Variants in RECQL5 observed in about 807,000 individuals in gnomAD.
RECQL5 encodes ATP-dependent DNA helicase Q5.
In RECQL5, 88 loss-of-function variants were observed where a neutral mutation model predicts 103.4. The observed-to-expected ratio is 0.85, with a 90% CI of 0.72 to 1.02. The LOEUF is 1.02. Ranked by LOEUF, RECQL5 falls within the 50% of genes least tolerant of loss-of-function variation. The pLI is 0.00. For missense variants in RECQL5, 1,232 were observed against 1,284.3 expected (o/e 0.96, Z 0.62); for synonymous variants, 552 against 507.9 (o/e 1.09, Z -1.17).
In RECQL5 at chr17:75,640,784, C is replaced by T; in HGVS notation, c.1230-9116G>A. On this transcript the variant is annotated intron_variant, in intron 8 of 19. Transcript: ENST00000317905. The surrounding 1 kb of genome is among the most constrained non-coding windows in gnomAD (Gnocchi z 4.6). ...CCTGAGTCCCGTGCTCTCTCCCGGC[C>T]CTCCAGCTACTGTTCTGCTGTTGCT... 1.3e-6 allele frequency: 2 copies of T among 1,549,662 alleles called. No individual in the cohort carries two copies. Among genetic ancestry groups the T allele is most frequent in the Non-Finnish European group, 1.7e-6 (2 of 1,146,356 alleles).
intron 4 of RECQL5, 60 bp from the exon 5 acceptor site, chr17:75,661,768 G>A (rs2148341465): frequency 2.4e-6 from 3 of 1,242,698 alleles, no homozygotes; most frequent in South Asian, 1.2e-5. Context: ...TAGGCCCAGT[G>A]TAATGCACCC....
At chr17:75,657,846 G>A (rs983798742) in intron 7 of RECQL5, among the ~76,000 whole-genome samples, 6 of 150,996 alleles carry the variant, frequency 4.0e-5, no homozygotes, top group Non-Finnish European at 5.9e-5. Flanking sequence ...TCATGAGATC[G>A]AGACCATCCT....
At chr17:75,659,085 T>C (rs1005485294) in intron 6 of RECQL5, among the ~76,000 whole-genome samples, 1 of 152,092 alleles carries the variant, frequency 6.6e-6, no homozygotes, top group East Asian at 1.9e-4. Context: ...TATTTTTAGA[T>C]GGAGTCTTGC....
intron 8 of RECQL5, among the ~76,000 whole-genome samples, chr17:75,633,009 G>A (rs1598993378): frequency 1.3e-5 from 2 of 152,384 alleles, no homozygotes; most frequent in Middle Eastern, 6.8e-3. Flanking sequence ...CCCCGGTAAG[G>A]AAGCAGGGCC....
intron 6 of RECQL5, among the ~76,000 whole-genome samples, chr17:75,660,618 C>A (rs543994886): frequency 6.6e-6 from 1 of 152,338 alleles, no homozygotes; most frequent in East Asian, 1.9e-4. Context: ...ACCGAAACAT[C>A]AACATGAGGT....
chr17:75,655,979 G>T (rs547495683), intron 7 of RECQL5, among the ~76,000 whole-genome samples: 1 of 152,194 alleles, frequency 6.6e-6, no homozygotes, highest in South Asian at 2.1e-4. Flanking sequence ...ACTGCTCCTG[G>T]CCCCAGAGCT....
chr17:75,632,623 G>C (rs1323464554), intron 8 of RECQL5, among the ~76,000 whole-genome samples: 1 of 152,214 alleles, frequency 6.6e-6, no homozygotes, highest in Non-Finnish European at 1.5e-5. Flanking sequence ...AGCGGCCTCT[G>C]CCCATGCTGG....
chr17:75,657,816 G>A (rs35751493), intron 7 of RECQL5, among the ~76,000 whole-genome samples: 52,806 of 150,868 alleles, frequency 0.35, 9,546 homozygotes, highest in East Asian at 0.57. Flanking sequence ...TTGGGAGGCC[G>A]AGGCAGGCGG....
At position 75,628,682 on chromosome 17, in the gene RECQL5, C is replaced by T. The variant is rs1259030349; in HGVS notation, c.2570G>A (p.Arg857Gln). 1.0e-5 allele frequency: 16 copies of T among 1,587,012 alleles called. No individual in the cohort carries two copies. The highest frequency in any genetic ancestry group is 3.9e-5 in the Admixed American group (2 of 50,994). The change falls in exon 17 of 20, where the codon CGA becomes CAA. Residue 857 changes from arginine to glutamine, a missense_variant. Arg to Gln is a conservative substitution (Grantham distance 43). Coordinates refer to ENST00000317905, the MANE Select transcript of RECQL5 (RefSeq NM_004259.7). ...CATCCCTGCCGGCACCTGCTGGGAT[C>T]GAGGCCGCTTGCCCTTCCATGTGTC... ...AKDTWKGKRP[R>Q]SQQENPESQP...
chr17:75,650,353 C>G, intron 8 of RECQL5: 2 of 1,129,704 alleles, frequency 1.8e-6, no homozygotes, highest in South Asian at 6.5e-5. Context: ...AAACACACAG[C>G]CCAAAGAGTT....
intron 8 of RECQL5, among the ~76,000 whole-genome samples, chr17:75,634,611 A>G (rs889042793): frequency 6.6e-6 from 1 of 152,156 alleles, no homozygotes; most frequent in African/African-American, 2.4e-5. Context: ...TGTCGAGGTC[A>G]GCGCAGGGTC....
Position 75,667,120 on chromosome 17 carries a change from AC to A in RECQL5, c.-92del, listed in dbSNP as rs1235747185. The A allele has an allele frequency of 9.7e-6, 5 of 516,126 alleles. No individual in the cohort carries two copies. The highest frequency in any genetic ancestry group is 6.3e-5 in the South Asian group (3 of 47,510). 32.0% of individuals were successfully genotyped at this position (516,126 alleles called of 1,614,324 possible). On this transcript the variant is annotated 5_prime_UTR_variant, in exon 1 of 20. Coordinates refer to ENST00000317905, the MANE Select transcript of RECQL5 (RefSeq NM_004259.7). ...AACTGTTCGAAGACCCCTATACACAACCCCAACTCAGAGAAGCCAAAGCGCT... is the reference window on the plus strand; with the variant it reads ...AACTGTTCGAAGACCCCTATACACAACCCAACTCAGAGAAGCCAAAGCGCT...
At chr17:75,634,220 C>G (rs1320744534) in intron 8 of RECQL5, 21 of 985,564 alleles carry the variant, frequency 2.1e-5, no homozygotes, top group Non-Finnish European at 2.4e-5. Flanking sequence ...GCAATGGCCA[C>G]AGAAGAAGGG....
Position 75,640,387 on chromosome 17 carries a change from A to G in RECQL5, c.1230-8719T>C. 6.8e-7 allele frequency: 1 copy of G among 1,474,084 alleles called. No homozygotes were observed. Among genetic ancestry groups the G allele is most frequent in the Non-Finnish European group, 9.0e-7 (1 of 1,107,464 alleles). 91.3% of individuals were successfully genotyped at this position (1,474,084 alleles called of 1,614,324 possible). The stretch of plus-strand genomic sequence containing the variant: ...CCTGGCATCTGGGAGAGACCACACC[A>G]TGGTGCCAGCCAGAGGGCTGGCAGA... On this transcript the variant is annotated intron_variant, in intron 8 of 19. Transcript: ENST00000317905. This position sits in a 1 kb window ranked among gnomAD's most constrained non-coding sequence, Gnocchi z 4.6.
At chr17:75,656,966 G>A (rs1232390006) in intron 7 of RECQL5, among the ~76,000 whole-genome samples, 1 of 152,032 alleles carries the variant, frequency 6.6e-6, no homozygotes. Context: ...GGATCGTCTT[G>A]ATCTCCTGAC....
intron 8 of RECQL5, 82 bp downstream of exon 8, chr17:75,651,104 T>C (rs1599036963): frequency 3.7e-6 from 6 of 1,612,004 alleles, no homozygotes; most frequent in Non-Finnish European, 5.1e-6. Flanking sequence ...GGCTGTCTTA[T>C]GTCAGCTGCT....
At chr17:75,650,188 G>C in intron 8 of RECQL5, 2 of 987,778 alleles carry the variant, frequency 2.0e-6, no homozygotes, top group African/African-American at 3.5e-5. Context: ...GGTCGCAAAG[G>C]CTGCAGGCAA....
intron 5 of RECQL5, 134 bp downstream of exon 5, chr17:75,661,472 G>GT: frequency 3.0e-6 from 2 of 668,720 alleles, no homozygotes; most frequent in Admixed American, 2.6e-5. Flanking sequence ...GGATTTAAGT[G>GT]TATCACTTTA....
chr17:75,660,414 G>A (rs1459766342), intron 6 of RECQL5, among the ~76,000 whole-genome samples: 1 of 152,198 alleles, frequency 6.6e-6, no homozygotes, highest in Non-Finnish European at 1.5e-5. Context: ...TTTCATCATT[G>A]TGCAAACATT....
Sources: gnomAD v4.1 joint callset for allele counts (sites outside exome capture counted in the v4.1 genomes callset) on GRCh38, gnomAD v4.1.1 for gene constraint, Gnocchi (gnomAD v3.1) non-coding constraint, MANE v1.5 for transcripts, NCBI Gene and HGNC (gene_info 2026-07-23, HGNC 2026-07-21) for gene names.